The following KALRN variants were observed in gnomAD, a reference collection of about 807,000 sequenced individuals.
KALRN encodes kalirin.
KALRN carries 70 observed loss-of-function variants against 353.7 expected under a neutral mutation model. That is an observed-to-expected ratio of 0.20 (90% CI 0.16 to 0.24). The LOEUF is 0.24. KALRN is among the 10% of genes least tolerant of loss of function. The pLI, the probability that KALRN is intolerant of heterozygous loss-of-function variation, is 1.00. For synonymous variants in KALRN, 1,391 were observed against 1,434.8 expected (o/e 0.97, Z 0.69); for missense variants, 2,791 against 3,756.7 (o/e 0.74, Z 6.72).
chr3:124,034,333 C>T (rs2039200481), intron 1 of KALRN, among the ~76,000 whole-genome samples: 2 of 152,172 alleles, frequency 1.3e-5, no homozygotes, highest in South Asian at 4.1e-4. Context: ...GGGCGGAAGA[C>T]ATCGGTCTCG....
intron 45 of KALRN, among the ~76,000 whole-genome samples, chr3:124,663,175 G>C (rs992626638): frequency 3.3e-5 from 5 of 152,144 alleles, no homozygotes; most frequent in Non-Finnish European, 7.3e-5. Flanking sequence ...TCGAACTCCC[G>C]ACCTCAGGTG....
At chr3:124,295,934 A>G (rs1332643064) in intron 5 of KALRN, among the ~76,000 whole-genome samples, 1 of 152,156 alleles carries the variant, frequency 6.6e-6, no homozygotes, top group African/African-American at 2.4e-5. Flanking sequence ...AGGCTGGAGG[A>G]CCCAGGATAG....
At chr3:124,270,824 G>GTTTT (rs777615656) in intron 5 of KALRN, among the ~76,000 whole-genome samples, 273 of 78,510 alleles carry the variant, frequency 3.5e-3, no homozygotes, top group Non-Finnish European at 4.4e-3. Context: ...TTTTTGTTTT[G>GTTTT]TTTTTTTTTT....
intron 2 of KALRN, 98 bp downstream of exon 2, chr3:124,228,162 G>A: frequency 1.0e-6 from 1 of 1,004,654 alleles, no homozygotes; most frequent in Admixed American, 1.7e-5. Flanking sequence ...GGGAGAAGTA[G>A]GGGTGGGGAA....
Position 124,610,364 on chromosome 3 carries a change from A to G in KALRN, c.5183-22056A>G, listed in dbSNP as rs1474095475. Among the ~76,000 whole-genome samples the G allele has an allele frequency of 2.6e-5, 4 of 152,322 alleles. No individual in the cohort carries two copies. The East Asian group carries it at 7.7e-4, about 29-fold the overall frequency. ...AAAACACTGAAGTTGCATGCAGGCA[A>G]AGAGAGAAAAGGAACTAGGGGGCTG... On this transcript the variant is annotated intron_variant, in intron 34 of 59. Coordinates refer to ENST00000682506, the MANE Select transcript of KALRN (RefSeq NM_001388419.1).
intron 1 of KALRN, among the ~76,000 whole-genome samples, chr3:124,171,409 T>C (rs540363800): frequency 2.7e-4 from 41 of 152,322 alleles, no homozygotes; most frequent in African/African-American, 9.9e-4. Flanking sequence ...TCTGTTCATC[T>C]TTTTGTGATA....
intron 6 of KALRN, among the ~76,000 whole-genome samples, chr3:124,302,928 A>G (rs960972484): frequency 1.3e-5 from 2 of 152,216 alleles, no homozygotes; most frequent in Admixed American, 6.5e-5. Flanking sequence ...TAATGGCCTC[A>G]TTTTAACTTA....
At chr3:124,242,956 A>T (rs2080672160) in intron 3 of KALRN, among the ~76,000 whole-genome samples, 1 of 152,170 alleles carries the variant, frequency 6.6e-6, no homozygotes, top group African/African-American at 2.4e-5. Context: ...AGCACTTAAG[A>T]CCATAGAAAC....
chr3:124,326,238 G>A (rs1183148921), intron 7 of KALRN, 67 bp downstream of exon 7: 12 of 1,371,768 alleles, frequency 8.7e-6, no homozygotes, highest in Non-Finnish European at 1.2e-5. Flanking sequence ...GGGGAGGGCT[G>A]GATGGGAGCA....
intron 34 of KALRN, among the ~76,000 whole-genome samples, chr3:124,617,646 A>G (rs994596280): frequency 1.3e-5 from 2 of 152,206 alleles, no homozygotes; most frequent in African/African-American, 4.8e-5. Flanking sequence ...GGTGCACATC[A>G]GAATTACTTG....
intron 1 of KALRN, among the ~76,000 whole-genome samples, chr3:124,175,133 G>A (rs747810808): frequency 6.6e-6 from 1 of 152,240 alleles, no homozygotes; most frequent in Non-Finnish European, 1.5e-5. Flanking sequence ...TGTGCATCCA[G>A]GAGAGGCTTT....
At chr3:124,133,150 T>C (rs979915206) in intron 1 of KALRN, 1 of 152,156 alleles carries the variant, frequency 6.6e-6, no homozygotes, top group Non-Finnish European at 1.5e-5. Context: ...TTTTTAAATT[T>C]AAAAATTAAA....
At chr3:124,146,952 T>G (rs1467637518) in intron 1 of KALRN, among the ~76,000 whole-genome samples, 6 of 148,948 alleles carry the variant, frequency 4.0e-5, no homozygotes, top group Admixed American at 4.0e-4. Context: ...AACTTATCCA[T>G]GAGTGAGGCT....
intron 34 of KALRN, among the ~76,000 whole-genome samples, chr3:124,590,402 G>A (rs67889059): frequency 6.6e-6 from 1 of 151,822 alleles, no homozygotes; most frequent in African/African-American, 2.4e-5. Context: ...TCCTACCTTG[G>A]GAATAAAAGG....
intron 6 of KALRN, among the ~76,000 whole-genome samples, chr3:124,308,653 G>A (rs774762138): frequency 1.3e-5 from 2 of 151,788 alleles, no homozygotes; most frequent in Non-Finnish European, 2.9e-5. Context: ...CACAACTTAC[G>A]TGATACAGCT....
At chr3:124,478,458 G>A (rs2061638980) in intron 27 of KALRN, among the ~76,000 whole-genome samples, 1 of 152,168 alleles carries the variant, frequency 6.6e-6, no homozygotes, top group Admixed American at 6.5e-5. Flanking sequence ...TCCTACAAAT[G>A]TCTTGTTGCT....
chr3:124,694,553 G>A (rs2061966033), intron 53 of KALRN, 50 bp downstream of exon 53: 2 of 1,550,332 alleles, frequency 1.3e-6, no homozygotes, highest in Middle Eastern at 1.7e-4. Context: ...GCTTGACACA[G>A]CACTGAGAGG....
intron 34 of KALRN, among the ~76,000 whole-genome samples, chr3:124,570,566 A>T (rs1501190): frequency 0.37 from 56,971 of 151,982 alleles, 11,296 homozygotes; most frequent in African/African-American, 0.51. Context: ...GGTGTTTTTA[A>T]AAATTATAAT....
chr3:124,377,176 T>G (rs1289813797), intron 10 of KALRN, among the ~76,000 whole-genome samples: 1 of 152,256 alleles, frequency 6.6e-6, no homozygotes, highest in African/African-American at 2.4e-5. Flanking sequence ...TTTTCTCATT[T>G]GTAAAATGAA....
Sources: allele counts gnomAD v4.1 joint callset (sites outside exome capture counted in the v4.1 genomes callset), GRCh38; gene constraint gnomAD v4.1.1; transcripts MANE v1.5; gene names NCBI Gene and HGNC (gene_info 2026-07-23, HGNC 2026-07-21).